R3HDM2: variants seen among roughly 807,000 people sequenced by gnomAD.
R3HDM2 encodes the protein R3H domain containing 2.
A neutral mutation model predicts 124.5 loss-of-function variants in R3HDM2; 38 were observed. The ratio of observed to expected loss-of-function variants is 0.31; its 90% CI spans 0.24 to 0.40. R3HDM2 has a LOEUF of 0.40. Ranked by LOEUF, R3HDM2 falls within the 10% of genes least tolerant of loss-of-function variation. R3HDM2 has a pLI of 1.00. For synonymous variants in R3HDM2, 391 were observed against 448.0 expected, an observed-to-expected ratio of 0.87 and a Z score of 1.61; for missense variants, 869 against 1,236.9, an observed-to-expected ratio of 0.70 and a Z score of 4.46.
At position 57,406,383 on chromosome 12, in the gene R3HDM2, G is replaced by C. The variant is rs183357259; in HGVS notation, c.-105-10565C>G. 1.9e-3 allele frequency among the ~76,000 whole-genome samples: 286 copies of C among 149,758 alleles called. 3 individuals carry two copies. In the Middle Eastern group the frequency reaches 0.021, roughly 11 times the overall value. On this transcript the variant is annotated intron_variant, in intron 1 of 23. Coordinates refer to ENST00000402412, the MANE Select transcript of R3HDM2 (RefSeq NM_001394031.1). ...ACATTAAATATATTTAAATTGAAGAGTCCATAATGACTATTTTTTAAAAAC... is the reference window on the plus strand; with the variant it reads ...ACATTAAATATATTTAAATTGAAGACTCCATAATGACTATTTTTTAAAAAC...
intron 1 of R3HDM2, among the ~76,000 whole-genome samples, chr12:57,400,398 A>G (rs1024667215): frequency 1.3e-5 from 2 of 151,236 alleles, no homozygotes; most frequent in African/African-American, 4.9e-5. Flanking sequence ...ACACTTGGAC[A>G]CAGGAAGGGG....
rs141889706 is a variant in R3HDM2 at position 57,342,400 on chromosome 12, G to A, written c.-35-31937C>T. ...TGCTCTGACAAGCAGCTCTGAAGCC[G>A]ACCATGGCCCAGCTGTTCAGAGAGA... is the stretch of plus-strand genomic sequence containing the variant. On this transcript the variant is annotated intron_variant, in intron 2 of 23. Coordinates refer to ENST00000402412, the MANE Select transcript of R3HDM2 (RefSeq NM_001394031.1). Among the ~76,000 whole-genome samples, 38 of 151,666 alleles carry A rather than the reference G, an allele frequency of 2.5e-4. No homozygotes were observed. In the East Asian group the frequency reaches 6.4e-3, roughly 26 times the overall value.
chr12:57,408,689 C>T (rs760781428), intron 1 of R3HDM2, among the ~76,000 whole-genome samples: 12 of 151,970 alleles, frequency 7.9e-5, no homozygotes, highest in African/African-American at 1.4e-4. Context: ...TGAATACATA[C>T]GAAATTTTCC....
intron 1 of R3HDM2, among the ~76,000 whole-genome samples, chr12:57,416,321 T>C (rs538548): frequency 0.24 from 36,052 of 152,004 alleles, 4,632 homozygotes; most frequent in South Asian, 0.43. Flanking sequence ...TGTGGCAAAA[T>C]ATTATCAATT....
chr12:57,413,841 C>T (rs2069252113), intron 1 of R3HDM2, among the ~76,000 whole-genome samples: 1 of 105,624 alleles, frequency 9.5e-6, no homozygotes, highest in South Asian at 3.6e-4. Flanking sequence ...ATCTGTAATC[C>T]CCCCCCTTTT....
At chr12:57,392,687 TG>T (rs1455682866) in intron 2 of R3HDM2, among the ~76,000 whole-genome samples, 1 of 151,658 alleles carries the variant, frequency 6.6e-6, no homozygotes, top group African/African-American at 2.4e-5. Flanking sequence ...TCCGCCTCAT[TG>T]GAAGCTATTC....
At chr12:57,299,667 C>T (rs1441520998) in intron 5 of R3HDM2, among the ~76,000 whole-genome samples, 189 bp from the exon 6 acceptor site, 1 of 152,118 alleles carries the variant, frequency 6.6e-6, no homozygotes, top group Non-Finnish European at 1.5e-5. Flanking sequence ...TGCCAGCAAG[C>T]ACAACCTACT....
chr12:57,411,782 C>G (rs774178862), intron 1 of R3HDM2, among the ~76,000 whole-genome samples: 8 of 152,198 alleles, frequency 5.3e-5, no homozygotes, highest in Non-Finnish European at 1.0e-4. Context: ...ACATTCAATA[C>G]ATTGAACACC....
At chr12:57,425,226 C>T (rs1036114881) in intron 1 of R3HDM2, among the ~76,000 whole-genome samples, 2 of 151,130 alleles carry the variant, frequency 1.3e-5, no homozygotes, top group Non-Finnish European at 2.9e-5. Context: ...GAGCCGAGAT[C>T]GTGCCATTGC....
chr12:57,254,238 C>A lies in R3HDM2; in HGVS notation c.*535G>T, dbSNP rs535082907. 1 of 454,938 alleles carries A rather than the reference C, an allele frequency of 2.2e-6. No individual in the cohort carries two copies. The highest frequency in any genetic ancestry group is 4.4e-6 in the Non-Finnish European group (1 of 226,726). 28.2% of individuals were successfully genotyped at this position (454,938 alleles called of 1,614,324 possible). A position where few individuals can be genotyped will look rare whatever the true frequency, so the allele number is the denominator to read the frequency against. On this transcript the variant is annotated 3_prime_UTR_variant, in exon 24 of 24. Coordinates refer to ENST00000402412, the MANE Select transcript of R3HDM2 (RefSeq NM_001394031.1). ...GATGGAAGCCAGGCACAGTGGCTCACGCCTGTAATCCCAGCACTCTGGAAG... is the reference window on the plus strand; with the variant it reads ...GATGGAAGCCAGGCACAGTGGCTCAAGCCTGTAATCCCAGCACTCTGGAAG...
intron 18 of R3HDM2, 74 bp downstream of exon 18, chr12:57,268,229 A>G: frequency 6.5e-7 from 1 of 1,533,330 alleles, no homozygotes; most frequent in Non-Finnish European, 8.8e-7. Flanking sequence ...AGGCCAGTGG[A>G]AACAAAACCA....
In R3HDM2 at chr12:57,268,310, C is replaced by T. The variant is rs761103373; in HGVS notation, c.2023G>A (p.Gly675Ser). The change falls in exon 18 of 24, where the codon GGT becomes AGT. Residue 675 changes from glycine to serine, a missense_variant. By Grantham distance (56) the Gly-to-Ser change is moderately conservative (BLOSUM62 0). This residue lies in a region of R3HDM2 where 602 missense variants were observed against 789.2 expected (regional missense o/e 0.76). Coordinates refer to ENST00000402412, the MANE Select transcript of R3HDM2 (RefSeq NM_001394031.1). ...YSMIPPAQQNGTSPSVGFLQP... is the reference protein window; with the variant it reads ...YSMIPPAQQNSTSPSVGFLQP... ...CTCTCTGGGAGTCCTCACCTCGTAC[C>T]GTTCTGCTGAGCAGGTGGGATCATG... The T allele has an allele frequency of 1.4e-5, 23 of 1,613,462 alleles. No individual in the cohort carries two copies. The highest frequency in any genetic ancestry group is 6.7e-5 in the African/African-American group (5 of 74,880).
At chr12:57,363,024 T>C (rs2062135232) in intron 2 of R3HDM2, among the ~76,000 whole-genome samples, 2 of 152,158 alleles carry the variant, frequency 1.3e-5, no homozygotes, top group Admixed American at 6.5e-5. Context: ...GGTTTCACCA[T>C]GTTGGCCAGG....
chr12:57,361,538 G>A (rs748887744), intron 2 of R3HDM2, among the ~76,000 whole-genome samples: 4 of 151,798 alleles, frequency 2.6e-5, no homozygotes, highest in Non-Finnish European at 5.9e-5. Flanking sequence ...TTAAAAACTA[G>A]CTGGGTATGG....
chr12:57,346,332 C>T (rs1259160629), intron 2 of R3HDM2, among the ~76,000 whole-genome samples: 14 of 151,112 alleles, frequency 9.3e-5, no homozygotes, highest in Non-Finnish European at 1.5e-5. Flanking sequence ...GTGGCGGGCG[C>T]CTGTAATCCC....
intron 2 of R3HDM2, among the ~76,000 whole-genome samples, chr12:57,351,066 T>C (rs1593734852): frequency 6.6e-6 from 1 of 152,082 alleles, no homozygotes; most frequent in Non-Finnish European, 1.5e-5. Flanking sequence ...GGTGCCACTG[T>C]ACTCTAGCCT....
At chr12:57,357,114 G>GAATAAATAAATA (rs60165527) in intron 2 of R3HDM2, among the ~76,000 whole-genome samples, 182 of 146,740 alleles carry the variant, frequency 1.2e-3, no homozygotes, top group Middle Eastern at 3.5e-3. Flanking sequence ...AAAAATAAAT[G>GAATAAATAAATA]AATAAATAAA....
intron 2 of R3HDM2, among the ~76,000 whole-genome samples, chr12:57,357,498 A>G (rs1566316508): frequency 6.6e-6 from 1 of 152,102 alleles, no homozygotes; most frequent in Non-Finnish European, 1.5e-5. Context: ...ATGATATTCA[A>G]TGCCTGGAAA....
chr12:57,429,520 C>T (rs1192836268), intron 1 of R3HDM2, among the ~76,000 whole-genome samples: 5 of 152,106 alleles, frequency 3.3e-5, no homozygotes, highest in African/African-American at 1.2e-4. Context: ...CCCAGGAGTT[C>T]CAGACCAGCC....
Sources: allele counts gnomAD v4.1 joint callset (sites outside exome capture counted in the v4.1 genomes callset), GRCh38; gene constraint gnomAD v4.1.1; regional missense constraint gnomAD v4.1.1; transcripts MANE v1.5; gene names NCBI Gene and HGNC (gene_info 2026-07-23, HGNC 2026-07-21).